MARCHF4: variants seen among roughly 807,000 people sequenced by gnomAD.
MARCHF4 encodes the protein E3 ubiquitin-protein ligase MARCHF4.
Under a neutral mutation model 43.9 loss-of-function variants are expected in MARCHF4, and 14 were observed. The observed-to-expected ratio is 0.32, with a 90% CI of 0.21 to 0.50. MARCHF4 has a LOEUF of 0.50. MARCHF4 is among the 20% of genes least tolerant of loss of function. MARCHF4 has a pLI of 0.98. For missense variants in MARCHF4, 468 were observed against 536.7 expected (o/e 0.87, Z 1.27); for synonymous variants, 226 against 213.3 (o/e 1.06, Z -0.52).
rs957963514 is a variant in MARCHF4, at chr2:216,370,064, C to T, written c.197G>A (p.Gly66Asp). The T allele has an allele frequency of 8.9e-6, 14 of 1,565,126 alleles. No individual in the cohort carries two copies. Among genetic ancestry groups the T allele is most frequent in the African/African-American group, 2.7e-5 (2 of 73,942 alleles). The change falls in exon 1 of 4, where the codon GGC becomes GAC. Residue 66 changes from glycine (G) to aspartate (D), a missense_variant. By Grantham distance (94) the Gly-to-Asp change is moderately conservative. Around this residue, in one of 3 missense-constraint regions of MARCHF4, gnomAD observed 190 missense variants for 158.5 expected, o/e 1.20. Transcript: ENST00000273067. ...RPPQAPLPMH[G>D]DPQPPGLAAN... ...CGCCAAACCGGGGGGCTGGGGGTCG[C>T]CGTGCATGGGCAGGGGCGCTTGAGG...
chr2:216,344,103 C>T (rs1298577778), intron 1 of MARCHF4, among the ~76,000 whole-genome samples: 3 of 152,056 alleles, frequency 2.0e-5, no homozygotes, highest in Non-Finnish European at 4.4e-5. Context: ...AGAAGATAGT[C>T]TTACTATGAT....
At chr2:216,314,719 C>T (rs1691745379) in intron 1 of MARCHF4, among the ~76,000 whole-genome samples, 1 of 152,020 alleles carries the variant, frequency 6.6e-6, no homozygotes. Context: ...GGTTATGTAA[C>T]CAGGAAAGAC....
intron 1 of MARCHF4, among the ~76,000 whole-genome samples, chr2:216,324,566 A>G (rs1194501404): frequency 9.2e-5 from 14 of 151,862 alleles, no homozygotes; most frequent in Admixed American, 6.6e-4. Context: ...AAAATCCTCA[A>G]TAAAATACTG....
chr2:216,322,472 T>C (rs955209949), intron 1 of MARCHF4, among the ~76,000 whole-genome samples: 4 of 152,242 alleles, frequency 2.6e-5, no homozygotes, highest in African/African-American at 4.8e-5. Context: ...TGCATGTATG[T>C]GTGCATACAC....
chr2:216,364,409 C>A (rs1469999030), intron 1 of MARCHF4, among the ~76,000 whole-genome samples: 1 of 152,140 alleles, frequency 6.6e-6, no homozygotes, highest in African/African-American at 2.4e-5. Context: ...CAGTGCTCCC[C>A]TTAGACCCAG....
At position 216,370,059 on chromosome 2, in the gene MARCHF4, G is replaced by T; in HGVS notation, c.202C>A (p.Pro68Thr). The change falls in exon 1 of 4, where the codon CCC becomes ACC. Residue 68 changes from proline (P) to threonine (T), a missense_variant. Around this residue, in one of 3 missense-constraint regions of MARCHF4, gnomAD observed 190 missense variants for 158.5 expected, o/e 1.20. Transcript: ENST00000273067. The part of the protein sequence containing the change: ...PQAPLPMHGD[P>T]QPPGLAANNT... The stretch of plus-strand genomic sequence containing the variant: ...TTGGCCGCCAAACCGGGGGGCTGGG[G>T]GTCGCCGTGCATGGGCAGGGGCGCT... The T allele has an allele frequency of 1.9e-6, 3 of 1,560,690 alleles. No individual in the cohort carries two copies. Among genetic ancestry groups the T allele is most frequent in the Non-Finnish European group, 1.7e-6 (2 of 1,151,778 alleles).
At chr2:216,312,879 T>C (rs558268010) in intron 1 of MARCHF4, among the ~76,000 whole-genome samples, 108 of 149,770 alleles carry the variant, frequency 7.2e-4, no homozygotes, top group African/African-American at 2.6e-3. Flanking sequence ...GAAGCTTTTT[T>C]GGTTTAACTA....
At chr2:216,266,960 A>T (rs1314577507) in intron 3 of MARCHF4, among the ~76,000 whole-genome samples, 1 of 152,236 alleles carries the variant, frequency 6.6e-6, no homozygotes, top group Admixed American at 6.5e-5. Flanking sequence ...AAAGTTACAA[A>T]AGTAGTTTAT....
intron 3 of MARCHF4, among the ~76,000 whole-genome samples, chr2:216,271,755 CTCATT>C (rs1458371388): frequency 1.3e-5 from 2 of 152,040 alleles, no homozygotes; most frequent in Admixed American, 6.6e-5. Flanking sequence ...AGGTGACTCT[CTCATT>C]TGAGTGTATA....
intron 1 of MARCHF4, among the ~76,000 whole-genome samples, chr2:216,361,362 C>T (rs1305327158): frequency 6.6e-6 from 1 of 152,104 alleles, no homozygotes; most frequent in Non-Finnish European, 1.5e-5. Flanking sequence ...GCTGTCCATC[C>T]CATCCCAGGC....
chr2:216,298,273 T>C (rs1234229042), intron 1 of MARCHF4, among the ~76,000 whole-genome samples: 2 of 144,014 alleles, frequency 1.4e-5, no homozygotes, highest in Non-Finnish European at 3.0e-5. Flanking sequence ...TTTTTTTTTT[T>C]TTTTTTTTTT....
chr2:216,354,898 T>TCTTTCTTTCTTTCTTTCTTTCTTC (rs1692460280), intron 1 of MARCHF4, among the ~76,000 whole-genome samples: 1 of 44,644 alleles, frequency 2.2e-5, no homozygotes, highest in Non-Finnish European at 4.0e-5. Context: ...TTGTTTTCTT[T>TCTTTCTTTCTTTCTTTCTTTCTTC]CTTTCTTTCT....
chr2:216,294,754 G>A (rs1420291688), intron 1 of MARCHF4, among the ~76,000 whole-genome samples: 2 of 152,160 alleles, frequency 1.3e-5, no homozygotes, highest in African/African-American at 4.8e-5. Context: ...TTTGTGAAGC[G>A]CTGGACCAGA....
At chr2:216,357,905 G>C (rs535420392) in intron 1 of MARCHF4, among the ~76,000 whole-genome samples, 1 of 152,174 alleles carries the variant, frequency 6.6e-6, no homozygotes, top group Admixed American at 6.5e-5. Flanking sequence ...TAGTTTCATC[G>C]ACTCCTGACA....
chr2:216,329,536 A>G (rs967107047), intron 1 of MARCHF4, among the ~76,000 whole-genome samples: 1 of 152,072 alleles, frequency 6.6e-6, no homozygotes, highest in Non-Finnish European at 1.5e-5. Context: ...ATAGAAGAAC[A>G]TATAACTGAG....
At chr2:216,320,961 A>G (rs952025761) in intron 1 of MARCHF4, among the ~76,000 whole-genome samples, 1 of 151,162 alleles carries the variant, frequency 6.6e-6, no homozygotes, top group Non-Finnish European at 1.5e-5. Context: ...TTACAAGCAG[A>G]GCCACCGCAC....
intron 1 of MARCHF4, among the ~76,000 whole-genome samples, chr2:216,354,951 CTT>C (rs1341628958): frequency 3.6e-5 from 5 of 139,866 alleles, no homozygotes; most frequent in African/African-American, 1.4e-4. Context: ...TTCTTTCTTT[CTT>C]TCTTTCTTTC....
At chr2:216,308,985 G>A (rs1424649270) in intron 1 of MARCHF4, among the ~76,000 whole-genome samples, 7 of 152,124 alleles carry the variant, frequency 4.6e-5, no homozygotes, top group Admixed American at 3.3e-4. Flanking sequence ...ACTTGGAGAG[G>A]GAAGAGAATG....
intron 1 of MARCHF4, among the ~76,000 whole-genome samples, chr2:216,350,150 G>A (rs1268681006): frequency 6.7e-6 from 1 of 148,260 alleles, no homozygotes; most frequent in Non-Finnish European, 1.5e-5. Context: ...ACACCACCAC[G>A]ACCATGCTAT....
Sources: gnomAD v4.1 joint callset for allele counts (sites outside exome capture counted in the v4.1 genomes callset) on GRCh38, gnomAD v4.1.1 for gene constraint, gnomAD v4.1.1 regional missense constraint, MANE v1.5 for transcripts, NCBI Gene and HGNC (gene_info 2026-07-23, HGNC 2026-07-21) for gene names.